The following CACNB4 variants were observed in gnomAD, a reference collection of about 807,000 sequenced individuals.
The protein encoded by CACNB4 is voltage-dependent L-type calcium channel subunit beta-4.
In CACNB4, 32 loss-of-function variants were observed where a neutral mutation model predicts 71.2. The ratio of observed to expected loss-of-function variants is 0.45; its 90% CI spans 0.34 to 0.60. The LOEUF is 0.60. CACNB4 is among the 20% of genes least tolerant of loss of function. CACNB4 has a pLI of 0.01. For missense variants in CACNB4, 464 were observed against 647.9 expected, an observed-to-expected ratio of 0.72 and a Z score of 3.08; for synonymous variants, 231 against 236.9, an observed-to-expected ratio of 0.97 and a Z score of 0.23.
intron 2 of CACNB4, among the ~76,000 whole-genome samples, chr2:152,055,276 T>C (rs1314035423): frequency 6.6e-6 from 1 of 152,196 alleles, no homozygotes; most frequent in African/African-American, 2.4e-5. Flanking sequence ...CCTCCCAAAA[T>C]GCTGGGATTA....
At chr2:151,868,502 T>G (rs1218572523) in intron 9 of CACNB4, 1 of 152,178 alleles carries the variant, frequency 6.6e-6, no homozygotes, top group Non-Finnish European at 1.5e-5. Flanking sequence ...CAGAGAAACT[T>G]TCTTTAGAAT....
chr2:152,042,587 T>A (rs1226144405), intron 2 of CACNB4, among the ~76,000 whole-genome samples: 2 of 152,204 alleles, frequency 1.3e-5, no homozygotes, highest in African/African-American at 4.8e-5. Context: ...TGTGTGGCCA[T>A]CTGCTGATAG....
rs538953781 is a variant in CACNB4 at position 152,028,128 on chromosome 2, G to A, written c.147+70202C>T. Among the ~76,000 whole-genome samples the A allele has an allele frequency of 2.6e-5, 4 of 152,236 alleles. No homozygotes were observed. The South Asian group carries it at 8.3e-4, about 32-fold the overall frequency. On this transcript the variant is annotated intron_variant, in intron 2 of 13. Transcript: ENST00000539935. ...AACCTAATCAAATGAGGGGATGAGGGAAGAGCAAAGAGGGCATGACCTACA... is the reference window on the plus strand; with the variant it reads ...AACCTAATCAAATGAGGGGATGAGGAAAGAGCAAAGAGGGCATGACCTACA...
At chr2:152,003,269 C>T (rs1682530226) in intron 2 of CACNB4, among the ~76,000 whole-genome samples, 1 of 151,852 alleles carries the variant, frequency 6.6e-6, no homozygotes, top group Non-Finnish European at 1.5e-5. Context: ...ATGGTGAAAC[C>T]CTGTCTCTAT....
At chr2:152,022,740 T>A (rs1683738683) in intron 2 of CACNB4, among the ~76,000 whole-genome samples, 1 of 152,162 alleles carries the variant, frequency 6.6e-6, no homozygotes, top group Non-Finnish European at 1.5e-5. Flanking sequence ...AAGCAAAGAA[T>A]CATAGAAAGC....
intron 2 of CACNB4, among the ~76,000 whole-genome samples, chr2:152,065,309 G>A (rs539032493): frequency 6.4e-4 from 97 of 151,842 alleles, no homozygotes; most frequent in African/African-American, 1.8e-3. Context: ...ACTTGAACCC[G>A]GAGCCAGAGG....
intron 6 of CACNB4, chr2:151,871,663 C>G (rs1253001935): frequency 6.6e-6 from 1 of 152,484 alleles, no homozygotes; most frequent in African/African-American, 2.4e-5. Context: ...ACTCCAGAAC[C>G]AATCCAGTTG....
chr2:152,020,769 G>A (rs372038129), intron 2 of CACNB4, among the ~76,000 whole-genome samples: 36 of 152,244 alleles, frequency 2.4e-4, no homozygotes, highest in African/African-American at 7.0e-4. Flanking sequence ...GGAGGAAGCC[G>A]GGGAAAGGAA....
At chr2:152,008,952 TC>T (rs552049181) in intron 2 of CACNB4, among the ~76,000 whole-genome samples, 111 of 152,300 alleles carry the variant, frequency 7.3e-4, no homozygotes, top group African/African-American at 2.6e-3. Flanking sequence ...TGGTAAGTAC[TC>T]TGCAAATGTT....
intron 2 of CACNB4, among the ~76,000 whole-genome samples, chr2:152,014,361 AAG>A (rs145725389): frequency 0.028 from 4,299 of 150,998 alleles, 99 homozygotes; most frequent in Middle Eastern, 0.09. Context: ...ACAAAAACAA[AAG>A]AGTCATTCTT....
intron 13 of CACNB4, among the ~76,000 whole-genome samples, chr2:151,840,768 G>A (rs1303997723): frequency 2.6e-5 from 4 of 152,160 alleles, no homozygotes; most frequent in Non-Finnish European, 5.9e-5. Flanking sequence ...AGTTAACTCT[G>A]TATGATCGAC....
intron 2 of CACNB4, among the ~76,000 whole-genome samples, chr2:151,916,974 G>A (rs571941458): frequency 1.9e-4 from 29 of 152,212 alleles, no homozygotes; most frequent in Middle Eastern, 3.4e-3. Flanking sequence ...CAGACACTCT[G>A]GTATAAAACC....
Position 151,923,356 on chromosome 2 carries a change from T to C in CACNB4, c.148-39986A>G, listed in dbSNP as rs552343326. Among the ~76,000 whole-genome samples, 9 of 152,328 alleles carry C rather than the reference T, an allele frequency of 5.9e-5. No individual in the cohort carries two copies. In the East Asian group the frequency reaches 1.7e-3, roughly 29 times the overall value. ...CAGGGTGTCCTTAAAGACTCTGCCA[T>C]CCCATCTTGGTCTTTATTTATGTGC... On this transcript the variant is annotated intron_variant, in intron 2 of 13. Transcript: ENST00000539935.
chr2:152,034,885 G>C (rs2105209357), intron 2 of CACNB4, among the ~76,000 whole-genome samples: 1 of 152,298 alleles, frequency 6.6e-6, no homozygotes, highest in Non-Finnish European at 1.5e-5. Flanking sequence ...ATTCTCAGTG[G>C]CATCTACAGC....
chr2:152,035,229 C>T (rs1684491544), intron 2 of CACNB4, among the ~76,000 whole-genome samples: 1 of 152,198 alleles, frequency 6.6e-6, no homozygotes, highest in Non-Finnish European at 1.5e-5. Flanking sequence ...TATTTATTCA[C>T]TGTCTTGCTC....
chr2:152,091,586 C>T (rs1268299136), intron 2 of CACNB4, among the ~76,000 whole-genome samples: 10 of 151,828 alleles, frequency 6.6e-5, no homozygotes, highest in South Asian at 4.2e-4. Context: ...TGCAGTGAGC[C>T]GAGATTGTAC....
Position 151,955,722 on chromosome 2 carries a change from T to C in CACNB4, c.148-72352A>G, listed in dbSNP as rs72869730. ...GGAGTTTGAACCAGCCCCGGCAACA[T>C]AGTGAGACCCCATCTCCACAAAATA... On this transcript the variant is annotated intron_variant, in intron 2 of 13. Coordinates refer to ENST00000539935, the MANE Select transcript of CACNB4 (RefSeq NM_000726.5). Among the ~76,000 whole-genome samples the C allele has an allele frequency of 9.6e-3, 1,458 of 151,832 alleles. 9 individuals carry two copies. The highest frequency in any genetic ancestry group is 0.044 in the Middle Eastern group (13 of 294).
intron 2 of CACNB4, among the ~76,000 whole-genome samples, chr2:151,961,974 C>T (rs2099869783): frequency 6.6e-6 from 1 of 152,204 alleles, no homozygotes; most frequent in Non-Finnish European, 1.5e-5. Flanking sequence ...TACAGTAATA[C>T]AGATGGAACC....
intron 2 of CACNB4, among the ~76,000 whole-genome samples, chr2:151,946,149 C>T (rs1005520552): frequency 6.6e-5 from 10 of 151,794 alleles, no homozygotes; most frequent in African/African-American, 1.7e-4. Flanking sequence ...GCCAACATGG[C>T]GAAACCCTGT....
Sources: gnomAD v4.1 joint callset for allele counts (sites outside exome capture counted in the v4.1 genomes callset) on GRCh38, gnomAD v4.1.1 for gene constraint, MANE v1.5 for transcripts, NCBI Gene and HGNC (gene_info 2026-07-23, HGNC 2026-07-21) for gene names.